COL13A1: variants seen among roughly 807,000 people sequenced by gnomAD.
The protein encoded by COL13A1 is collagen type XIII alpha 1 chain, also known as collagen alpha-1(XIII) chain.
COL13A1 carries 89 observed loss-of-function variants against 130.9 expected under a neutral mutation model. The observed-to-expected ratio is 0.68, with a 90% CI of 0.57 to 0.81. COL13A1 has a LOEUF of 0.81. Ranked by LOEUF, COL13A1 falls within the 30% of genes least tolerant of loss-of-function variation. The pLI is 0.00. For missense variants in COL13A1, 879 were observed against 934.6 expected (o/e 0.94, Z 0.78); for synonymous variants, 402 against 341.6 (o/e 1.18, Z -1.95).
At chr10:69,894,069 G>A (rs752252172) in intron 10 of COL13A1, among the ~76,000 whole-genome samples, 3 of 152,186 alleles carry the variant, frequency 2.0e-5, no homozygotes, top group Non-Finnish European at 4.4e-5. Context: ...CCAACTTCCT[G>A]CTTTCTCTCT....
At chr10:69,927,145 T>C in intron 27 of COL13A1, 35 bp downstream of exon 27, 1 of 1,598,322 alleles carries the variant, frequency 6.3e-7, no homozygotes, top group East Asian at 2.2e-5. Flanking sequence ...CCTTGGGCAC[T>C]GGACGGGGGG....
chr10:69,819,811 G>T (rs1185184757), intron 1 of COL13A1, among the ~76,000 whole-genome samples: 2 of 152,124 alleles, frequency 1.3e-5, no homozygotes, highest in Non-Finnish European at 2.9e-5. Flanking sequence ...CACATTCAAA[G>T]TCTCTGCCCC....
intron 1 of COL13A1, among the ~76,000 whole-genome samples, chr10:69,821,836 A>G (rs1160476248): frequency 6.6e-6 from 1 of 152,100 alleles, no homozygotes; most frequent in African/African-American, 2.4e-5. Context: ...CCTCTTTGGG[A>G]CCTTCCAGGT....
chr10:69,876,806 C>T (rs755363189), intron 5 of COL13A1, among the ~76,000 whole-genome samples: 3 of 152,180 alleles, frequency 2.0e-5, no homozygotes, highest in African/African-American at 7.2e-5. Flanking sequence ...GGGTTTTGTG[C>T]CCAAGCCAAC....
chr10:69,860,748 C>G (rs1297189552), intron 2 of COL13A1: 2 of 256,104 alleles, frequency 7.8e-6, no homozygotes, highest in African/African-American at 4.7e-5. Flanking sequence ...GAGCCCCAGG[C>G]TGCTATCCCC....
chr10:69,852,302 G>T (rs543631225), intron 2 of COL13A1, among the ~76,000 whole-genome samples: 1 of 152,172 alleles, frequency 6.6e-6, no homozygotes, highest in African/African-American at 2.4e-5. Flanking sequence ...ATCACCTGCG[G>T]CTAGAGATAA....
At chr10:69,929,024 G>A (rs1195447945) in intron 28 of COL13A1, 25 bp downstream of exon 28, 2 of 1,601,908 alleles carry the variant, frequency 1.2e-6, no homozygotes, top group Non-Finnish European at 1.7e-6. Context: ...GACAAAGGGG[G>A]TGAAGACTTT....
chr10:69,804,809 C>A (rs1464262074), intron 1 of COL13A1, among the ~76,000 whole-genome samples: 7 of 75,380 alleles, frequency 9.3e-5, no homozygotes, highest in Non-Finnish European at 1.2e-4. Flanking sequence ...ATGTCGTGTG[C>A]AAAAAAAAAA....
chr10:69,863,411 G>A (rs1362646659), intron 2 of COL13A1, among the ~76,000 whole-genome samples: 2 of 152,168 alleles, frequency 1.3e-5, no homozygotes, highest in African/African-American at 4.8e-5. Flanking sequence ...GGTGGGTCGG[G>A]CATGTGGCAG....
chr10:69,911,096 C>A (rs1589456255), intron 17 of COL13A1, among the ~76,000 whole-genome samples: 1 of 152,146 alleles, frequency 6.6e-6, no homozygotes, highest in Admixed American at 6.5e-5. Context: ...AGTGGATGGG[C>A]CCTATGATGA....
chr10:69,895,108 C>G (rs117480833), intron 12 of COL13A1, among the ~76,000 whole-genome samples: 1 of 152,236 alleles, frequency 6.6e-6, no homozygotes. Flanking sequence ...CACTGCTGTG[C>G]TTGCCCTTGG....
At chr10:69,947,120 T>C (rs1039635820) in intron 37 of COL13A1, among the ~76,000 whole-genome samples, 187 bp from the exon 38 acceptor site, 2 of 152,206 alleles carry the variant, frequency 1.3e-5, no homozygotes, top group Non-Finnish European at 2.9e-5. Flanking sequence ...CCAGAACTCA[T>C]CATTTGCCTC....
intron 10 of COL13A1, among the ~76,000 whole-genome samples, chr10:69,891,390 A>G (rs1273878176): frequency 6.6e-6 from 1 of 152,306 alleles, no homozygotes; most frequent in East Asian, 1.9e-4. Flanking sequence ...GACATGGGAG[A>G]ATAGCACGTG....
At chr10:69,920,419 TG>T (rs1327207086) in intron 21 of COL13A1, among the ~76,000 whole-genome samples, 1 of 152,196 alleles carries the variant, frequency 6.6e-6, no homozygotes, top group African/African-American at 2.4e-5. Context: ...TGGACACTGC[TG>T]TGCACTGAAT....
intron 33 of COL13A1, 114 bp downstream of exon 33, chr10:69,936,896 A>G (rs2066999925): frequency 8.2e-7 from 1 of 1,224,850 alleles, no homozygotes. Flanking sequence ...ACTCCAGCCA[A>G]GGGGGTCCAG....
At chr10:69,805,917 C>T (rs1301272212) in intron 1 of COL13A1, among the ~76,000 whole-genome samples, 2 of 152,240 alleles carry the variant, frequency 1.3e-5, no homozygotes, top group African/African-American at 4.8e-5. Context: ...GCAGAAGGTC[C>T]CTGTCCTCAT....
intron 38 of COL13A1, among the ~76,000 whole-genome samples, chr10:69,949,999 C>T (rs1247470411): frequency 6.0e-5 from 9 of 149,448 alleles, no homozygotes; most frequent in Non-Finnish European, 9.0e-5. Flanking sequence ...TTTGTGTGTG[C>T]GTGTGTGTGT....
In COL13A1 at chr10:69,945,785, A is replaced by T. The variant is rs1589703298; in HGVS notation, c.2022+61A>T. ...ACCCCTGCCCCCATTAGAAATACCC[A>T]CGGCCGGCCGGGCATGGTGGCTCAC... On this transcript the variant is annotated intron_variant, in intron 37 of 40. Transcript: ENST00000645393. The T allele has an allele frequency of 2.6e-6, 4 of 1,565,982 alleles. No individual in the cohort carries two copies. The Middle Eastern group carries it at 5.2e-4, about 204-fold the overall frequency.
chr10:69,880,678 G>A (rs577283075), intron 7 of COL13A1, 125 bp downstream of exon 7: 2 of 993,228 alleles, frequency 2.0e-6, no homozygotes, highest in East Asian at 2.5e-5. Context: ...GCCACCGCAT[G>A]TGATGTGGTC....
Sources: allele counts gnomAD v4.1 joint callset (sites outside exome capture counted in the v4.1 genomes callset), GRCh38; gene constraint gnomAD v4.1.1; transcripts MANE v1.5; gene names NCBI Gene and HGNC (gene_info 2026-07-23, HGNC 2026-07-21).